The following DPF2 variants were observed in gnomAD, a reference collection of about 807,000 sequenced individuals.
The protein encoded by DPF2 is zinc finger protein ubi-d4.
A neutral mutation model predicts 59.6 loss-of-function variants in DPF2; 10 were observed. That is an observed-to-expected ratio of 0.17 (90% confidence interval 0.10 to 0.28). DPF2 has a LOEUF of 0.28. Ranked by LOEUF, DPF2 falls within the 10% of genes least tolerant of loss-of-function variation. The pLI is 1.00. For synonymous variants in DPF2, 189 were observed against 190.6 expected (o/e 0.99, Z 0.07); for missense variants, 315 against 509.4 (o/e 0.62, Z 3.67).
chr11:65,340,832 C>A, intron 2 of DPF2, 134 bp from the exon 3 acceptor site: 2 of 919,818 alleles, frequency 2.2e-6, no homozygotes, highest in South Asian at 1.7e-5. Context: ...TTCCACCTAA[C>A]CCCCTAGGCC....
intron 1 of DPF2, among the ~76,000 whole-genome samples, chr11:65,337,544 GA>G (rs1565528072): frequency 1.5e-4 from 19 of 124,936 alleles, no homozygotes; most frequent in African/African-American, 6.0e-4. Flanking sequence ...GAGAGAGAGA[GA>G]GAACAATGTT....
chr11:65,340,284 C>T (rs1854324064), intron 1 of DPF2, 101 bp from the exon 2 acceptor site: 1 of 1,400,978 alleles, frequency 7.1e-7, no homozygotes, highest in East Asian at 2.4e-5. Flanking sequence ...CCACCCAGTC[C>T]CTTGAGCCTT....
At position 65,345,659 on chromosome 11, in the gene DPF2, C is replaced by A. The variant is rs1028964066; in HGVS notation, c.638-7C>A. 6.2e-7 allele frequency: 1 copy of A among 1,613,942 alleles called. No individual in the cohort carries two copies. The highest frequency in any genetic ancestry group is 1.7e-5 in the Admixed American group (1 of 59,998). On this transcript the variant is annotated splice_polypyrimidine_tract_variant and splice_region_variant and intron_variant, in intron 6 of 10. Transcript: ENST00000528416. ...ACACCTTTCTCTGCAATCTTCTTCC[C>A]ACTCAGTTTGTGGAAAACGTTACAA... is the stretch of plus-strand genomic sequence containing the variant.
Position 65,351,551 on chromosome 11 carries a change from T to C in DPF2, c.1100-132T>C, listed in dbSNP as rs1854697510. ...CCCAGCTCAGGAAACCATGGAACTT[T>C]CCTGCTGCAGAGCATCCCTCGTCCT... On this transcript the variant is annotated intron_variant, in intron 10 of 10. Coordinates refer to ENST00000528416, the MANE Select transcript of DPF2 (RefSeq NM_006268.5). 1.8e-5 allele frequency: 13 copies of C among 739,364 alleles called. 1 individual carries two copies. In the South Asian group the frequency reaches 1.8e-4, roughly 10 times the overall value. 45.8% of individuals were successfully genotyped at this position (739,364 alleles called of 1,614,324 possible). A position where few individuals can be genotyped will look rare whatever the true frequency, so the allele number is the denominator to read the frequency against.
chr11:65,349,931 T>C (rs1854644286), intron 10 of DPF2, among the ~76,000 whole-genome samples: 1 of 152,206 alleles, frequency 6.6e-6, no homozygotes, highest in Non-Finnish European at 1.5e-5. Flanking sequence ...TGATGTAAGC[T>C]GACTTGTAAC....
chr11:65,347,957 T>C (rs1854586014), intron 9 of DPF2: 1 of 152,192 alleles, frequency 6.6e-6, no homozygotes, highest in Non-Finnish European at 1.5e-5. Flanking sequence ...CCTTGTCTTA[T>C]ATTTTAAAAA....
intron 3 of DPF2, 66 bp from the exon 4 acceptor site, chr11:65,341,331 TTA>T (rs1282509990): frequency 6.3e-7 from 1 of 1,598,290 alleles, no homozygotes; most frequent in East Asian, 2.2e-5. Context: ...AGCCCCAGCA[TTA>T]TGTGGACTCA....
intron 3 of DPF2, 29 bp downstream of exon 3, chr11:65,341,102 G>A (rs371177361): frequency 1.5e-5 from 24 of 1,597,908 alleles, no homozygotes; most frequent in Admixed American, 1.3e-4. Flanking sequence ...GAGCAGAGGC[G>A]TGGCCTGCTG....
intron 9 of DPF2, chr11:65,347,487 CCAT>C (rs1192788750): frequency 1.3e-5 from 2 of 151,988 alleles, no homozygotes; most frequent in Non-Finnish European, 2.9e-5. Context: ...ATGCACACCA[CCAT>C]GTCTGGCTAC....
rs999315780 is a variant in DPF2 at position 65,353,639 on chromosome 11, A to G, written c.*1880A>G. ...CGCGTATGTCTTCAGTGTGTGTTTT[A>G]GAAGTCCAACTGTTGTTTTTATGTT... is the stretch of plus-strand genomic sequence containing the variant. On this transcript the variant is annotated 3_prime_UTR_variant, in exon 11 of 11. Coordinates refer to ENST00000528416, the MANE Select transcript of DPF2 (RefSeq NM_006268.5). Among the ~76,000 whole-genome samples, 17 of 152,356 alleles carry G rather than the reference A, an allele frequency of 1.1e-4. No individual in the cohort carries two copies. In the East Asian group the frequency reaches 3.3e-3, roughly 29 times the overall value.
intron 1 of DPF2, among the ~76,000 whole-genome samples, chr11:65,335,979 A>T (rs1024993474): frequency 6.6e-6 from 1 of 151,592 alleles, no homozygotes; most frequent in African/African-American, 2.4e-5. Flanking sequence ...ACACCTGGCT[A>T]ATTTTTGTGT....
At chr11:65,335,177 C>G (rs909755802) in intron 1 of DPF2, among the ~76,000 whole-genome samples, 1 of 151,582 alleles carries the variant, frequency 6.6e-6, no homozygotes, top group Non-Finnish European at 1.5e-5. Context: ...TCTGCCCACT[C>G]CAGTTTCCCC....
intron 4 of DPF2, among the ~76,000 whole-genome samples, chr11:65,342,238 A>C (rs1854395712): frequency 6.6e-6 from 1 of 152,226 alleles, no homozygotes; most frequent in Admixed American, 6.5e-5. Context: ...AGGAAACTTC[A>C]AAAACTTTTC....
At position 65,352,324 on chromosome 11, in the gene DPF2, G is replaced by C. The variant is rs1337325582; in HGVS notation, c.*565G>C. The C allele has an allele frequency of 1.3e-5, 2 of 155,916 alleles. No individual in the cohort carries two copies. Among genetic ancestry groups the C allele is most frequent in the Admixed American group, 6.1e-5 (1 of 16,262 alleles). 9.7% of individuals were successfully genotyped at this position (155,916 alleles called of 1,614,324 possible). A position where few individuals can be genotyped will look rare whatever the true frequency, so the allele number is the denominator to read the frequency against. ...TCTTTTCTGGAGTCAGGATGTTCTCGGTCACCCTCCTGGTTCTGCCCTGTC... is the reference window on the plus strand; with the variant it reads ...TCTTTTCTGGAGTCAGGATGTTCTCCGTCACCCTCCTGGTTCTGCCCTGTC... On this transcript the variant is annotated 3_prime_UTR_variant, in exon 11 of 11. Transcript: ENST00000528416.
At chr11:65,346,582 GACAA>G (rs1854537690) in intron 9 of DPF2, 2 of 486,306 alleles carry the variant, frequency 4.1e-6, no homozygotes, top group East Asian at 3.4e-5. Context: ...AGATGCTAAA[GACAA>G]ACAAGGTCCC....
At chr11:65,340,887 C>T in intron 2 of DPF2, 79 bp from the exon 3 acceptor site, 1 of 1,378,472 alleles carries the variant, frequency 7.3e-7, no homozygotes, top group Non-Finnish European at 1.0e-6. Flanking sequence ...CAAAGGGGGG[C>T]CTACTTAATT....
rs756617118 is a variant in DPF2 at position 65,333,941 on chromosome 11, C to T, written c.32+23C>T. 28 of 1,612,956 alleles carry T rather than the reference C, an allele frequency of 1.7e-5. No individual in the cohort carries two copies. The Admixed American group carries it at 2.0e-4, about 12-fold the overall frequency. The stretch of plus-strand genomic sequence containing the variant: ...GCTGTGAGTGGTCGTTTCTTTCTCT[C>T]CTAGGGCGGCAGGTTTTGTAAAGGG... On this transcript the variant is annotated intron_variant, in intron 1 of 10. Transcript: ENST00000528416.
chr11:65,340,320 G>A (rs1854325201), intron 1 of DPF2, 65 bp from the exon 2 acceptor site: 3 of 1,558,836 alleles, frequency 1.9e-6, no homozygotes, highest in East Asian at 4.6e-5. Context: ...GCAGGGGAGA[G>A]GAATAGCTCA....
At chr11:65,346,971 A>T (rs1452415987) in intron 9 of DPF2, 1 of 152,152 alleles carries the variant, frequency 6.6e-6, no homozygotes, top group East Asian at 1.9e-4. Flanking sequence ...GACACTGTTG[A>T]AGGGTTTTAC....
Sources: gnomAD v4.1 joint callset for allele counts (sites outside exome capture counted in the v4.1 genomes callset) on GRCh38, gnomAD v4.1.1 for gene constraint, MANE v1.5 for transcripts, NCBI Gene and HGNC (gene_info 2026-07-23, HGNC 2026-07-21) for gene names.